The following SLC4A10 variants were observed in gnomAD, a reference collection of about 807,000 sequenced individuals.
The protein encoded by SLC4A10 is sodium-driven chloride bicarbonate exchanger.
In SLC4A10, 42 loss-of-function variants were observed where a neutral mutation model predicts 137.7. The ratio of observed to expected loss-of-function variants is 0.30; its 90% CI spans 0.24 to 0.39. SLC4A10 has a LOEUF of 0.39. SLC4A10 is among the 10% of genes least tolerant of loss of function. SLC4A10 has a pLI of 1.00. For synonymous variants in SLC4A10, 474 were observed against 464.1 expected (o/e 1.02, Z -0.27); for missense variants, 925 against 1,355.0 (o/e 0.68, Z 4.98).
chr2:161,759,476 C>T (rs1474133313), intron 1 of SLC4A10, among the ~76,000 whole-genome samples: 1 of 151,906 alleles, frequency 6.6e-6, no homozygotes, highest in African/African-American at 2.4e-5. Context: ...CCAATATCTC[C>T]CCATTTCTGC....
At chr2:161,632,805 A>C (rs2033800392) in intron 1 of SLC4A10, among the ~76,000 whole-genome samples, 1 of 151,586 alleles carries the variant, frequency 6.6e-6, no homozygotes, top group African/African-American at 2.4e-5. Context: ...AAGCTTGAGA[A>C]TTTTTGCCTT....
intron 2 of SLC4A10, 72 bp downstream of exon 2, chr2:161,771,126 C>A: frequency 1.7e-6 from 2 of 1,153,100 alleles, no homozygotes; most frequent in South Asian, 1.4e-5. Context: ...TGTAGTTTGT[C>A]ACATTGTGAA....
chr2:161,903,618 A>T (rs1356011084), intron 12 of SLC4A10, among the ~76,000 whole-genome samples: 3 of 152,234 alleles, frequency 2.0e-5, no homozygotes, highest in African/African-American at 7.2e-5. Context: ...GCTAAATGGA[A>T]TTAAACATTT....
chr2:161,840,053 A>G lies in SLC4A10; in HGVS notation c.416+126A>G. On this transcript the variant is annotated intron_variant, in intron 4 of 26. Coordinates refer to ENST00000446997, the MANE Select transcript of SLC4A10 (RefSeq NM_001178015.2). ...TGCTGATTTTAGAAGTTGCTCATCT[A>G]GCCTGAGCATATCCTATAACGGGAT... The G allele has an allele frequency of 9.7e-6, 11 of 1,130,190 alleles. No homozygotes were observed. The South Asian group carries it at 1.6e-4, about 16-fold the overall frequency. The allele number at this position is 1,130,190 out of a possible 1,614,324, so 70.0% of individuals were successfully genotyped here. A position where few individuals can be genotyped will look rare whatever the true frequency, so the allele number is the denominator to read the frequency against.
intron 1 of SLC4A10, among the ~76,000 whole-genome samples, chr2:161,723,345 T>G (rs191695460): frequency 1.3e-5 from 2 of 152,288 alleles, no homozygotes; most frequent in East Asian, 3.9e-4. Flanking sequence ...ACCCTGCTTT[T>G]TCTCGCTCTC....
At chr2:161,906,928 C>T (rs372391586) in intron 15 of SLC4A10, among the ~76,000 whole-genome samples, 14 of 151,792 alleles carry the variant, frequency 9.2e-5, no homozygotes, top group South Asian at 4.1e-4. Flanking sequence ...TGGTGGCGGG[C>T]GCCTGTAGTC....
At chr2:161,757,748 T>C (rs1475702832) in intron 1 of SLC4A10, among the ~76,000 whole-genome samples, 1 of 152,178 alleles carries the variant, frequency 6.6e-6, no homozygotes, top group Non-Finnish European at 1.5e-5. Flanking sequence ...ATGGGAACTA[T>C]TTGTAGCTAC....
At chr2:161,752,270 A>T (rs909422481) in intron 1 of SLC4A10, among the ~76,000 whole-genome samples, 1 of 151,668 alleles carries the variant, frequency 6.6e-6, no homozygotes, top group African/African-American at 2.4e-5. Flanking sequence ...TATTATTATT[A>T]TTTTTTTGCC....
At chr2:161,737,972 T>A (rs2047515211) in intron 1 of SLC4A10, among the ~76,000 whole-genome samples, 2 of 152,184 alleles carry the variant, frequency 1.3e-5, no homozygotes, top group Admixed American at 1.3e-4. Flanking sequence ...CCTGACCTAG[T>A]CAGACATTTG....
chr2:161,946,624 A>G (rs1365634160), intron 16 of SLC4A10, among the ~76,000 whole-genome samples: 3 of 152,148 alleles, frequency 2.0e-5, no homozygotes, highest in African/African-American at 4.8e-5. Flanking sequence ...TAAATAAGAT[A>G]AACCAAAGTA....
At position 161,859,594 on chromosome 2, in the gene SLC4A10, C is replaced by CTTTTTTTTTTTTTTTTTTTTTTT. The variant is rs72003642; in HGVS notation, c.578-3278_578-3256dup. On this transcript the variant is annotated intron_variant, in intron 5 of 26. Transcript: ENST00000446997. ...TCCTTTTTTTCTTTTCTTTTCTTTTCTTTTTTTTTTTTTTTTTTTTTTTTG... is the reference window on the plus strand; with the variant it reads ...TCCTTTTTTTCTTTTCTTTTCTTTTCTTTTTTTTTTTTTTTTTTTTTTTTTTTTTTTTTTTTTTTTTTTTTTTG... Among the ~76,000 whole-genome samples the CTTTTTTTTTTTTTTTTTTTTTTT allele has an allele frequency of 2.9e-3, 138 of 47,286 alleles. 1 individual carries two copies. Among genetic ancestry groups the CTTTTTTTTTTTTTTTTTTTTTTT allele is most frequent in the Non-Finnish European group, 3.5e-3 (93 of 26,818 alleles). The allele number at this position is 47,286 out of a possible 152,430, so 31.0% of individuals were successfully genotyped here. A position where few individuals can be genotyped will look rare whatever the true frequency, so the allele number is the denominator to read the frequency against.
At chr2:161,959,959 T>A (rs1696342535) in intron 21 of SLC4A10, among the ~76,000 whole-genome samples, 1 of 152,166 alleles carries the variant, frequency 6.6e-6, no homozygotes, top group Non-Finnish European at 1.5e-5. Flanking sequence ...TCTCAAAATG[T>A]GACCTTACTT....
At chr2:161,719,266 G>A (rs1216665764) in intron 1 of SLC4A10, among the ~76,000 whole-genome samples, 1 of 152,040 alleles carries the variant, frequency 6.6e-6, no homozygotes, top group African/African-American at 2.4e-5. Flanking sequence ...GTATTCCATG[G>A]TGTATATGTG....
intron 1 of SLC4A10, among the ~76,000 whole-genome samples, chr2:161,644,827 A>G (rs2035809736): frequency 6.6e-6 from 1 of 152,140 alleles, no homozygotes; most frequent in Non-Finnish European, 1.5e-5. Context: ...TTTTATTTCT[A>G]TCCACTATTT....
intron 1 of SLC4A10, among the ~76,000 whole-genome samples, chr2:161,749,760 T>C (rs553585097): frequency 9.4e-4 from 143 of 152,000 alleles, no homozygotes; most frequent in Middle Eastern, 3.4e-3. Context: ...GGCTTTAATA[T>C]CAGGGTAGTA....
At chr2:161,823,138 C>T (rs758689181) in intron 3 of SLC4A10, among the ~76,000 whole-genome samples, 13 of 152,078 alleles carry the variant, frequency 8.5e-5, no homozygotes, top group Non-Finnish European at 1.5e-5. Context: ...TCACATACTA[C>T]CATAAAATCT....
intron 1 of SLC4A10, among the ~76,000 whole-genome samples, chr2:161,721,682 G>A (rs1043709712): frequency 2.6e-5 from 4 of 152,018 alleles, no homozygotes; most frequent in Non-Finnish European, 4.4e-5. Context: ...ATCTACTCAC[G>A]GATTATCTTA....
intron 1 of SLC4A10, among the ~76,000 whole-genome samples, chr2:161,688,540 G>A (rs1420520821): frequency 3.3e-5 from 5 of 152,052 alleles, no homozygotes; most frequent in Non-Finnish European, 1.5e-5. Flanking sequence ...AATTTGTTAG[G>A]TAAAACAATT....
At chr2:161,816,574 AC>A (rs1472283144) in intron 3 of SLC4A10, among the ~76,000 whole-genome samples, 1 of 151,680 alleles carries the variant, frequency 6.6e-6, no homozygotes, top group Non-Finnish European at 1.5e-5. Flanking sequence ...GGTGTGCTGC[AC>A]CCATTAACTC....
Sources: allele counts gnomAD v4.1 joint callset (sites outside exome capture counted in the v4.1 genomes callset), GRCh38; gene constraint gnomAD v4.1.1; transcripts MANE v1.5; gene names NCBI Gene and HGNC (gene_info 2026-07-23, HGNC 2026-07-21).